Variants in CDH13 observed in about 807,000 individuals in gnomAD.
CDH13 encodes cadherin-13.
Under a neutral mutation model 63.8 loss-of-function variants are expected in CDH13, and 24 were observed. The ratio of observed to expected loss-of-function variants is 0.38; its 90% CI spans 0.27 to 0.53. The LOEUF (loss-of-function observed/expected upper bound fraction) is 0.53, where lower values mean the gene tolerates loss of function less well. Ranked by LOEUF, CDH13 falls within the 20% of genes least tolerant of loss-of-function variation. CDH13 has a pLI of 0.85. For missense variants in CDH13, 1,049 were observed against 903.1 expected (o/e 1.16, Z -2.07); for synonymous variants, 503 against 355.3 (o/e 1.42, Z -4.67).
intron 4 of CDH13, among the ~76,000 whole-genome samples, chr16:83,177,187 G>C (rs1425673794): frequency 6.6e-6 from 1 of 152,114 alleles, no homozygotes; most frequent in Non-Finnish European, 1.5e-5. Flanking sequence ...GCTGTTCTAA[G>C]AGCATACCTC....
At chr16:83,519,026 G>T (rs1419288047) in intron 7 of CDH13, among the ~76,000 whole-genome samples, 1 of 152,194 alleles carries the variant, frequency 6.6e-6, no homozygotes, top group African/African-American at 2.4e-5. Flanking sequence ...AGGATTCACA[G>T]ATCCTAGGCA....
At chr16:83,423,598 C>T (rs1254252011) in intron 6 of CDH13, among the ~76,000 whole-genome samples, 1 of 152,102 alleles carries the variant, frequency 6.6e-6, no homozygotes, top group African/African-American at 2.4e-5. Flanking sequence ...ATTACCTAGG[C>T]ACACCTAAAT....
chr16:82,979,550 C>G (rs942319092), intron 2 of CDH13, among the ~76,000 whole-genome samples: 1 of 152,128 alleles, frequency 6.6e-6, no homozygotes, highest in Non-Finnish European at 1.5e-5. Context: ...GCGTTTCCCC[C>G]TTTTGCTCAG....
At chr16:83,666,066 A>G (rs796218249) in intron 8 of CDH13, among the ~76,000 whole-genome samples, 4 of 152,318 alleles carry the variant, frequency 2.6e-5, no homozygotes, top group African/African-American at 9.6e-5. Context: ...CTTGTATTTG[A>G]TTTGCCACAC....
intron 5 of CDH13, among the ~76,000 whole-genome samples, chr16:83,230,607 C>T (rs188655834): frequency 2.6e-5 from 4 of 152,206 alleles, no homozygotes; most frequent in Non-Finnish European, 5.9e-5. Flanking sequence ...CAAGAGTGGC[C>T]AAAACCCCAT....
At chr16:82,872,613 G>C (rs573864689) in intron 2 of CDH13, among the ~76,000 whole-genome samples, 1 of 152,266 alleles carries the variant, frequency 6.6e-6, no homozygotes, top group African/African-American at 2.4e-5. Flanking sequence ...TAGTAATAGA[G>C]GTGCCCTCTA....
intron 1 of CDH13, among the ~76,000 whole-genome samples, chr16:82,798,498 A>G (rs1371298017): frequency 6.6e-6 from 1 of 152,158 alleles, no homozygotes; most frequent in Non-Finnish European, 1.5e-5. Flanking sequence ...ATCATTTCTA[A>G]GAGAATTGGT....
rs372310922 is a variant in CDH13, at chr16:83,268,601, G to C, written c.636+51104G>C. On this transcript the variant is annotated intron_variant, in intron 5 of 13. Transcript: ENST00000567109. Reference sequence around the variant, plus strand: ...AAAGTCTACGTTTCTACGTTTTTTTGACAGCACAAGTGACATGAAGTGAAA... The same window carrying C: ...AAAGTCTACGTTTCTACGTTTTTTTCACAGCACAAGTGACATGAAGTGAAA... 2.0e-5 allele frequency among the ~76,000 whole-genome samples: 3 copies of C among 152,154 alleles called. No homozygotes were observed. In the South Asian group the frequency reaches 6.2e-4, roughly 32 times the overall value.
intron 6 of CDH13, among the ~76,000 whole-genome samples, chr16:83,385,068 G>C (rs780598340): frequency 6.6e-6 from 1 of 152,202 alleles, no homozygotes; most frequent in Non-Finnish European, 1.5e-5. Context: ...CATTTGTATG[G>C]AAAATGTAAT....
chr16:82,850,011 T>A (rs947860718), intron 1 of CDH13, among the ~76,000 whole-genome samples: 1 of 152,238 alleles, frequency 6.6e-6, no homozygotes, highest in Non-Finnish European at 1.5e-5. Flanking sequence ...AGGAGATTAG[T>A]GTTGTTTTCA....
intron 10 of CDH13, among the ~76,000 whole-genome samples, chr16:83,682,853 C>G (rs1226768364): frequency 5.9e-5 from 9 of 152,222 alleles, no homozygotes; most frequent in South Asian, 2.1e-4. Context: ...GCAGCAGGGC[C>G]TGCCCATCCT....
At chr16:83,582,809 G>C (rs1044224000) in intron 7 of CDH13, among the ~76,000 whole-genome samples, 2 of 152,194 alleles carry the variant, frequency 1.3e-5, no homozygotes, top group African/African-American at 2.4e-5. Context: ...AGCAGAGTCC[G>C]ATCAACCGTG....
intron 2 of CDH13, among the ~76,000 whole-genome samples, chr16:82,860,384 T>TG (rs1197091420): frequency 4.4e-4 from 13 of 29,558 alleles, no homozygotes; most frequent in Non-Finnish European, 6.1e-4. Flanking sequence ...TGTGTGTGTG[T>TG]GTGTGGGGGG....
At chr16:82,929,942 G>A (rs992370227) in intron 2 of CDH13, among the ~76,000 whole-genome samples, 6 of 151,094 alleles carry the variant, frequency 4.0e-5, no homozygotes, top group Non-Finnish European at 7.4e-5. Context: ...CAGAGAAACA[G>A]AGTTATGACT....
intron 5 of CDH13, among the ~76,000 whole-genome samples, chr16:83,286,834 A>G (rs753213363): frequency 4.6e-5 from 7 of 151,256 alleles, no homozygotes; most frequent in Non-Finnish European, 1.0e-4. Flanking sequence ...CTATCTATCT[A>G]TCTATCTAGA....
intron 4 of CDH13, among the ~76,000 whole-genome samples, chr16:83,212,700 T>C (rs2039375716): frequency 6.6e-6 from 1 of 152,202 alleles, no homozygotes. Flanking sequence ...TGCTGAAAGC[T>C]GCCCAAAGCA....
At chr16:83,463,586 A>C (rs2073234259) in intron 6 of CDH13, among the ~76,000 whole-genome samples, 1 of 152,110 alleles carries the variant, frequency 6.6e-6, no homozygotes, top group Admixed American at 6.6e-5. Context: ...GGTTCACTTG[A>C]GCTTAAGAGT....
chr16:82,634,966 G>C (rs746786702), intron 1 of CDH13, among the ~76,000 whole-genome samples: 5 of 152,206 alleles, frequency 3.3e-5, no homozygotes, highest in Non-Finnish European at 5.9e-5. Context: ...CTGAGTCTCT[G>C]CTCTCCTGGG....
intron 1 of CDH13, 68 bp downstream of exon 1, chr16:82,627,205 A>T: frequency 5.2e-5 from 69 of 1,325,514 alleles, no homozygotes; most frequent in Non-Finnish European, 6.7e-5. Context: ...CGGCACGGGC[A>T]GGGTGAGGGG....
Sources: gnomAD v4.1 joint callset for allele counts (sites outside exome capture counted in the v4.1 genomes callset) on GRCh38, gnomAD v4.1.1 for gene constraint, MANE v1.5 for transcripts, NCBI Gene and HGNC (gene_info 2026-07-23, HGNC 2026-07-21) for gene names.